PDE10A: variants seen among roughly 807,000 people sequenced by gnomAD.
PDE10A encodes cAMP and cAMP-inhibited cGMP 3',5'-cyclic phosphodiesterase 10A.
A neutral mutation model predicts 97.7 loss-of-function variants in PDE10A; 39 were observed. The ratio of observed to expected loss-of-function variants is 0.40; its 90% CI spans 0.31 to 0.52. The LOEUF (loss-of-function observed/expected upper bound fraction) is 0.52. Ranked by LOEUF, PDE10A falls within the 20% of genes least tolerant of loss-of-function variation. The probability of loss-of-function intolerance (pLI) is 0.56; values close to 1 mark genes in which losing one functional copy is unlikely to be tolerated. For missense variants in PDE10A, 731 were observed against 1,047.8 expected (o/e 0.70, Z 4.17); for synonymous variants, 371 against 376.8 (o/e 0.98, Z 0.18).
At chr6:165,389,414 T>C (rs985304540) in intron 16 of PDE10A, among the ~76,000 whole-genome samples, 3 of 152,148 alleles carry the variant, frequency 2.0e-5, no homozygotes, top group African/African-American at 7.2e-5. Flanking sequence ...AAAGTCTGGA[T>C]GCATTTTGCA....
intron 1 of PDE10A, among the ~76,000 whole-genome samples, chr6:165,824,968 TAAAAAAA>T (rs71890265): frequency 2.2e-5 from 2 of 92,386 alleles, no homozygotes; most frequent in African/African-American, 9.3e-5. Flanking sequence ...CCGTCTCTAC[TAAAAAAA>T]AAAAAAAAAA....
At chr6:165,609,329 C>T (rs1232264190) in intron 1 of PDE10A, among the ~76,000 whole-genome samples, 1 of 152,168 alleles carries the variant, frequency 6.6e-6, no homozygotes, top group Non-Finnish European at 1.5e-5. Context: ...TAAAAATTCT[C>T]AATAAATTAG....
chr6:165,641,437 CAT>C (rs746344825), intron 1 of PDE10A, among the ~76,000 whole-genome samples: 2 of 152,200 alleles, frequency 1.3e-5, no homozygotes, highest in Non-Finnish European at 2.9e-5. Context: ...AGGCATCACA[CAT>C]GTTTTAAAGG....
chr6:165,623,500 G>C (rs746477431), intron 1 of PDE10A, among the ~76,000 whole-genome samples: 6 of 121,630 alleles, frequency 4.9e-5, no homozygotes, highest in Non-Finnish European at 1.1e-4. Flanking sequence ...CAGAGGGAGA[G>C]AGAGAGAGAA....
chr6:165,801,443 GC>G (rs1778985622), intron 1 of PDE10A, among the ~76,000 whole-genome samples: 1 of 152,196 alleles, frequency 6.6e-6, no homozygotes, highest in Admixed American at 6.5e-5. Context: ...TACTTGGGAG[GC>G]TGAGGCATGA....
chr6:165,369,707 A>T (rs1408277252), intron 18 of PDE10A, among the ~76,000 whole-genome samples: 1 of 139,198 alleles, frequency 7.2e-6, no homozygotes, highest in East Asian at 2.0e-4. Flanking sequence ...GCCAACGTTC[A>T]GGTTCAGGAA....
chr6:165,965,146 G>A (rs1165293071), intron 1 of PDE10A, among the ~76,000 whole-genome samples: 3 of 152,216 alleles, frequency 2.0e-5, no homozygotes, highest in Non-Finnish European at 4.4e-5. Context: ...ACCTGCAAGG[G>A]GAAACCAGAG....
intron 1 of PDE10A, among the ~76,000 whole-genome samples, chr6:165,691,784 G>A (rs1699463434): frequency 1.3e-5 from 2 of 152,204 alleles, no homozygotes; most frequent in Non-Finnish European, 2.9e-5. Context: ...GCACCACTCA[G>A]CCCTGAGGCA....
chr6:165,435,451 AAC>A, intron 5 of PDE10A, 74 bp from the exon 6 acceptor site: 2 of 1,251,762 alleles, frequency 1.6e-6, no homozygotes, highest in Non-Finnish European at 2.2e-6. Flanking sequence ...CGTGAATCCT[AAC>A]AGTCATAATA....
At chr6:165,624,224 G>A (rs1788280036) in intron 1 of PDE10A, among the ~76,000 whole-genome samples, 1 of 152,110 alleles carries the variant, frequency 6.6e-6, no homozygotes, top group South Asian at 2.1e-4. Flanking sequence ...TGGCTCTCCT[G>A]GGCTGGCCCT....
chr6:165,679,298 C>A (rs1263118406), intron 1 of PDE10A, among the ~76,000 whole-genome samples: 3 of 152,224 alleles, frequency 2.0e-5, no homozygotes, highest in African/African-American at 7.2e-5. Context: ...ATAACCAGAT[C>A]ATTTCCTTCA....
chr6:165,543,609 A>C, intron 1 of PDE10A, 41 bp from the exon 2 acceptor site: 3 of 1,503,120 alleles, frequency 2.0e-6, no homozygotes, highest in Non-Finnish European at 2.7e-6. Context: ...CCTATACAAC[A>C]TCCTCATATC....
At position 165,413,646 on chromosome 6, in the gene PDE10A, A is replaced by G; in HGVS notation, c.1931T>C (p.Leu644Pro). The G allele has an allele frequency of 6.2e-7, 1 of 1,614,194 alleles. No homozygotes were observed. The highest frequency in any genetic ancestry group is 8.5e-7 in the Non-Finnish European group (1 of 1,180,024). Residue 644 changes from leucine to proline, a missense_variant, in exon 13 of 22, where the codon CTG becomes CCG. Leu to Pro is a moderately conservative substitution (Grantham distance 98). Transcript: ENST00000539869. ...GCCTCGGCTGACGATGGGCATGCAC[A>G]GGATGTTCCGCGTGGTGTAGCCTGT... ...LYTGYTTRNI[L>P]CMPIVSRGSV... is the part of the protein sequence containing the mutation.
intron 1 of PDE10A, among the ~76,000 whole-genome samples, chr6:165,624,913 G>T (rs929661266): frequency 8.5e-5 from 13 of 152,246 alleles, no homozygotes; most frequent in Middle Eastern, 3.2e-3. Context: ...AGACCCGTTG[G>T]TAGGGATACA....
chr6:165,619,178 TGTAGTGTA>T, intron 1 of PDE10A, among the ~76,000 whole-genome samples: 1 of 148,240 alleles, frequency 6.7e-6, no homozygotes, highest in Non-Finnish European at 1.5e-5. Context: ...TGTAGTCTAG[TGTAGTGTA>T]GTCTAGTGTA....
At chr6:165,875,287 A>G (rs1040661565) in intron 1 of PDE10A, among the ~76,000 whole-genome samples, 1 of 152,202 alleles carries the variant, frequency 6.6e-6, no homozygotes, top group Non-Finnish European at 1.5e-5. Context: ...CAGTATGAAC[A>G]TCAAAACCTT....
intron 1 of PDE10A, among the ~76,000 whole-genome samples, chr6:165,853,150 C>T (rs930317035): frequency 2.6e-5 from 4 of 152,224 alleles, no homozygotes; most frequent in South Asian, 2.1e-4. Context: ...AGTCCCGGAG[C>T]GGGTACCTCC....
intron 1 of PDE10A, among the ~76,000 whole-genome samples, chr6:165,676,845 G>A (rs1277477788): frequency 6.6e-6 from 1 of 152,292 alleles, no homozygotes; most frequent in East Asian, 1.9e-4. Flanking sequence ...CTGCCTGTCG[G>A]CATGGACTTG....
chr6:165,835,642 C>T (rs1562760276), intron 1 of PDE10A, among the ~76,000 whole-genome samples: 1 of 152,160 alleles, frequency 6.6e-6, no homozygotes, highest in Non-Finnish European at 1.5e-5. Context: ...TTTCCTTACA[C>T]CCTGTTTCCG....
Sources: gnomAD v4.1 joint callset for allele counts (sites outside exome capture counted in the v4.1 genomes callset) on GRCh38, gnomAD v4.1.1 for gene constraint, MANE v1.5 for transcripts, NCBI Gene and HGNC (gene_info 2026-07-23, HGNC 2026-07-21) for gene names.